The following PPP1R16A variants were observed in gnomAD, a reference collection of about 807,000 sequenced individuals.
PPP1R16A encodes myosin phosphatase-targeting subunit 3.
A neutral mutation model predicts 46.6 loss-of-function variants in PPP1R16A; 39 were observed. The observed-to-expected ratio is 0.84, with a 90% CI of 0.65 to 1.09. The LOEUF is 1.09. Among genes scored for constraint, PPP1R16A ranks in the 50% least tolerant of loss-of-function variants. PPP1R16A has a pLI of 0.00. For synonymous variants in PPP1R16A, 413 were observed against 321.5 expected, an observed-to-expected ratio of 1.28 and a Z score of -3.04; for missense variants, 798 against 735.6, an observed-to-expected ratio of 1.08 and a Z score of -0.98.
rs1182810050 is a variant in PPP1R16A at position 144,500,305 on chromosome 8, C to G, written c.619C>G (p.Pro207Ala). 6.5e-7 allele frequency: 1 copy of G among 1,543,360 alleles called. No homozygotes were observed. Among genetic ancestry groups the G allele is most frequent in the African/African-American group, 1.4e-5 (1 of 73,058 alleles). Reference sequence around the variant, plus strand: ...CAGCATCGAGGCCGCCCGGGCCGTGCCAGAACTGCGCATGCTGGACGACAT... The same window carrying G: ...CAGCATCGAGGCCGCCCGGGCCGTGGCAGAACTGCGCATGCTGGACGACAT... ...QDSIEAARAV[P>A]ELRMLDDIRS... Residue 207 changes from proline to alanine, a missense_variant, in exon 7 of 12, where the codon CCA becomes GCA. Transcript: ENST00000435887.
At chr8:144,482,674 TG>T (rs1825479172) in intron 1 of PPP1R16A, among the ~76,000 whole-genome samples, 1 of 147,004 alleles carries the variant, frequency 6.8e-6, no homozygotes. Context: ...TTTTTTTTTT[TG>T]GGACAGTCTC....
rs1825924496 is a variant in PPP1R16A at position 144,493,913 on chromosome 8, C to A, written c.-734-2548C>A. On this transcript the variant is annotated intron_variant, in intron 2 of 11. Transcript: ENST00000435887. The surrounding 1 kb of genome is among the most constrained non-coding windows in gnomAD (Gnocchi z 4.3). ...GGGTGGGGGAGGTAGAGCCTCCCCG[C>A]CCGTGGGCCTCCCTCTGCAGCCAGG... 6.6e-6 allele frequency among the ~76,000 whole-genome samples: 1 copy of A among 151,864 alleles called. No homozygotes were observed. Among genetic ancestry groups the A allele is most frequent in the East Asian group, 1.9e-4 (1 of 5,166 alleles).
chr8:144,497,955 C>A, intron 3 of PPP1R16A: 1 of 441,412 alleles, frequency 2.3e-6, no homozygotes, highest in Non-Finnish European at 4.6e-6. Context: ...CTAGGCTCTG[C>A]TTGTGACTCT....
intron 2 of PPP1R16A, chr8:144,496,205 G>C (rs1826057490): frequency 6.6e-6 from 1 of 152,412 alleles, no homozygotes; most frequent in East Asian, 1.9e-4. Context: ...TTTCTGGAAA[G>C]GGTGGGTGGG....
intron 2 of PPP1R16A, among the ~76,000 whole-genome samples, chr8:144,492,630 T>TGGCCAAGCAC (rs1436165523): frequency 1.3e-5 from 2 of 152,024 alleles, no homozygotes; most frequent in Non-Finnish European, 2.9e-5. Context: ...CCACTGTGCC[T>TGGCCAAGCAC]AGGTGCACAT....
At chr8:144,501,344 G>A (rs758902613) in intron 11 of PPP1R16A, 50 bp downstream of exon 11, 9 of 1,521,178 alleles carry the variant, frequency 5.9e-6, no homozygotes, top group Admixed American at 2.0e-5. Flanking sequence ...GCCTGGCTCT[G>A]CCCTGGTTCT....
At chr8:144,484,741 G>A (rs1346383218) in intron 1 of PPP1R16A, among the ~76,000 whole-genome samples, 3 of 152,338 alleles carry the variant, frequency 2.0e-5, no homozygotes, top group African/African-American at 7.2e-5. Context: ...CATGGTTAGC[G>A]GGCCAGTCCC....
At chr8:144,491,902 A>G (rs567697191) in intron 2 of PPP1R16A, among the ~76,000 whole-genome samples, 1 of 152,348 alleles carries the variant, frequency 6.6e-6, no homozygotes, top group South Asian at 2.1e-4. Context: ...ACTGCACCCC[A>G]GCCTGGGCAA....
chr8:144,478,530 G>T (rs1322419691), intron 1 of PPP1R16A: 1 of 176,178 alleles, frequency 5.7e-6, no homozygotes, highest in South Asian at 2.0e-4. Flanking sequence ...AAGGTGTGTG[G>T]ATTCTCCGCA....
chr8:144,498,854 G>A lies in PPP1R16A; in HGVS notation c.330+14G>A, dbSNP rs1230372604. ...GCCCTGCACCAGGTCAGCCTGCACT[G>A]GGTGTGGGCAGGGTGGGGGCTGGCC... On this transcript the variant is annotated intron_variant, in intron 4 of 11. Transcript: ENST00000435887. The A allele has an allele frequency of 6.2e-7, 1 of 1,611,894 alleles. No homozygotes were observed. Among genetic ancestry groups the A allele is most frequent in the African/African-American group, 1.3e-5 (1 of 74,946 alleles).
chr8:144,487,004 T>C (rs768860448), intron 1 of PPP1R16A, among the ~76,000 whole-genome samples: 19 of 152,212 alleles, frequency 1.2e-4, no homozygotes, highest in Non-Finnish European at 1.8e-4. Flanking sequence ...TTCTGTTTTT[T>C]TGTTTTTTGA....
At position 144,497,088 on chromosome 8, in the gene PPP1R16A, C is replaced by A; in HGVS notation, c.-107C>A. The A allele has an allele frequency of 6.9e-7, 1 of 1,446,818 alleles. No homozygotes were observed. The highest frequency in any genetic ancestry group is 9.3e-7 in the Non-Finnish European group (1 of 1,071,414). The allele number at this position is 1,446,818 out of a possible 1,614,324, so 89.6% of individuals were successfully genotyped here. ...CACGAAGCTCTGGGAAGGGGATGCCCCCGAGGGTGCCAGTCCAGCTAGCTG... is the reference window on the plus strand; with the variant it reads ...CACGAAGCTCTGGGAAGGGGATGCCACCGAGGGTGCCAGTCCAGCTAGCTG... On this transcript the variant is annotated 5_prime_UTR_variant, in exon 3 of 12. Transcript: ENST00000435887.
intron 11 of PPP1R16A, 109 bp from the exon 12 acceptor site, chr8:144,501,411 C>G: frequency 6.8e-7 from 1 of 1,476,842 alleles, no homozygotes; most frequent in Non-Finnish European, 9.0e-7. Context: ...CAGGGGCCAG[C>G]TTTTGCCCCA....
intron 1 of PPP1R16A, among the ~76,000 whole-genome samples, chr8:144,484,382 G>A (rs576444981): frequency 6.6e-6 from 1 of 152,346 alleles, no homozygotes; most frequent in African/African-American, 2.4e-5. Context: ...GCTGAATGAG[G>A]CAGTTCATAG....
At chr8:144,488,135 CTT>C (rs1486925902) in intron 1 of PPP1R16A, among the ~76,000 whole-genome samples, 2 of 151,682 alleles carry the variant, frequency 1.3e-5, no homozygotes, top group Non-Finnish European at 2.9e-5. Flanking sequence ...AGGGAATTTG[CTT>C]TGGGAGGGCA....
In PPP1R16A at chr8:144,497,089, C is replaced by T. The variant is rs1228857460; in HGVS notation, c.-106C>T. 1 of 1,454,056 alleles carries T rather than the reference C, an allele frequency of 6.9e-7. No homozygotes were observed. The highest frequency in any genetic ancestry group is 9.3e-7 in the Non-Finnish European group (1 of 1,077,820). The allele number at this position is 1,454,056 out of a possible 1,614,324, so 90.1% of individuals were successfully genotyped here. A position where few individuals can be genotyped will look rare whatever the true frequency, so the allele number is the denominator to read the frequency against. On this transcript the variant is annotated 5_prime_UTR_variant, in exon 3 of 12. Transcript: ENST00000435887. ...ACGAAGCTCTGGGAAGGGGATGCCC[C>T]CGAGGGTGCCAGTCCAGCTAGCTGC...
intron 1 of PPP1R16A, among the ~76,000 whole-genome samples, chr8:144,483,830 G>A (rs1297292183): frequency 6.6e-6 from 1 of 152,146 alleles, no homozygotes; most frequent in African/African-American, 2.4e-5. Context: ...CCTCCCATAT[G>A]TTGGGATTAT....
chr8:144,501,590 CCAAG>C lies in PPP1R16A; in HGVS notation c.1276_1279del (p.Lys426AspfsTer2). On this transcript the variant is annotated frameshift_variant, in exon 12 of 12. Transcript: ENST00000435887. LOFTEE classifies it low-confidence loss of function (END_TRUNC). ...GGCTCCCCAGTGCGGCATCTATACT[CCAAG>C]CGACTAGACCGGAGTGTCTCCTACC... is the stretch of plus-strand genomic sequence containing the variant. 3 of 1,605,494 alleles carry C rather than the reference CCAAG, an allele frequency of 1.9e-6. No individual in the cohort carries two copies.
Position 144,497,322 on chromosome 8 carries a change from A to C in PPP1R16A, c.128A>C (p.Glu43Ala). 6.2e-7 allele frequency: 1 copy of C among 1,612,612 alleles called. No homozygotes were observed. The highest frequency in any genetic ancestry group is 1.1e-5 in the South Asian group (1 of 91,064). The change falls in exon 3 of 12, where the codon GAG becomes GCG. Residue 43 changes from glutamate to alanine, a missense_variant. Coordinates refer to ENST00000435887, the MANE Select transcript of PPP1R16A (RefSeq NM_001329443.2). ...AAGATGTGGGCCCAGGCTGAGAAGG[A>C]GGCCCAGGGCAAGAAGGGTCCTGGG... ...QVKMWAQAEK[E>A]AQGKKGPGER...
Sources: gnomAD v4.1 joint callset for allele counts (sites outside exome capture counted in the v4.1 genomes callset) on GRCh38, gnomAD v4.1.1 for gene constraint, Gnocchi (gnomAD v3.1) non-coding constraint, MANE v1.5 for transcripts, NCBI Gene and HGNC (gene_info 2026-07-23, HGNC 2026-07-21) for gene names.